Variants in CRTC1 observed in about 807,000 individuals in gnomAD.
CRTC1 encodes CREB-regulated transcription coactivator 1.
CRTC1 carries 18 observed loss-of-function variants against 66.1 expected under a neutral mutation model. The observed-to-expected ratio is 0.27, with a 90% CI of 0.19 to 0.40. The LOEUF (loss-of-function observed/expected upper bound fraction) is 0.40. CRTC1 is among the 10% of genes least tolerant of loss of function. The pLI is 1.00. For synonymous variants in CRTC1, 416 were observed against 398.8 expected, an observed-to-expected ratio of 1.04 and a Z score of -0.51; for missense variants, 669 against 887.9, an observed-to-expected ratio of 0.75 and a Z score of 3.13.
chr19:18,743,980 AG>A, intron 2 of CRTC1: 1 of 885,318 alleles, frequency 1.1e-6, no homozygotes, highest in Non-Finnish European at 1.8e-6. Context: ...AGTGGGGCTG[AG>A]GGGCACAGGA....
At chr19:18,757,281 C>T (rs998163195) in intron 6 of CRTC1, among the ~76,000 whole-genome samples, 1 of 152,104 alleles carries the variant, frequency 6.6e-6, no homozygotes, top group Non-Finnish European at 1.5e-5. Flanking sequence ...TCTCGGGGGC[C>T]CCTACCTGGA....
chr19:18,744,491 A>AACAC (rs56007866), intron 2 of CRTC1, among the ~76,000 whole-genome samples: 7 of 148,806 alleles, frequency 4.7e-5, no homozygotes, highest in Admixed American at 6.7e-5. Flanking sequence ...CACACACACA[A>AACAC]ACACACACAC....
intron 9 of CRTC1, among the ~76,000 whole-genome samples, chr19:18,765,886 A>G (rs538353231): frequency 1.4e-4 from 22 of 152,126 alleles, no homozygotes; most frequent in Middle Eastern, 3.4e-3. Context: ...ACTTGAGCCC[A>G]GGGGGTGGAG....
rs58104974 is a variant in CRTC1 at position 18,706,182 on chromosome 19, CTTTTTTTTTTTTTTTTTTTTTTTTT to C, written c.126+22371_126+22395del. ...GGGCTTTCTATTCTATTCCATTGGTCTTTTTTTTTTTTTTTTTTTTTTTTTTTTTTTTTTTTTTTTTAGACAGAGT... is the reference window on the plus strand; with the variant it reads ...GGGCTTTCTATTCTATTCCATTGGTCTTTTTTTTTTTTTTTTAGACAGAGT... On this transcript the variant is annotated intron_variant, in intron 1 of 13. Coordinates refer to ENST00000321949, the MANE Select transcript of CRTC1 (RefSeq NM_015321.3). Among the ~76,000 whole-genome samples, 21 of 18,676 alleles carry C rather than the reference CTTTTTTTTTTTTTTTTTTTTTTTTT, an allele frequency of 1.1e-3. 1 individual carries two copies. The highest frequency in any genetic ancestry group is 7.4e-3 in the South Asian group (4 of 538). 12.3% of individuals were successfully genotyped at this position (18,676 alleles called of 152,430 possible).
In CRTC1 at chr19:18,741,609, C is replaced by T. The variant is rs557566067; in HGVS notation, c.127-1301C>T. Among the ~76,000 whole-genome samples the T allele has an allele frequency of 6.6e-6, 1 of 152,278 alleles. No homozygotes were observed. Among genetic ancestry groups the T allele is most frequent in the East Asian group, 1.9e-4 (1 of 5,180 alleles). On this transcript the variant is annotated intron_variant, in intron 1 of 13. Transcript: ENST00000321949. The surrounding 1 kb of genome is among the most constrained non-coding windows in gnomAD (Gnocchi z 4.2). ...CCCCTCCCTCTGCCACAGCCCGGAG[C>T]TGGCCTGTTTCATCTGGTGTGACTG...
At chr19:18,685,171 AGATT>A (rs2052658442) in intron 1 of CRTC1, among the ~76,000 whole-genome samples, 1 of 151,972 alleles carries the variant, frequency 6.6e-6, no homozygotes, top group African/African-American at 2.4e-5. Flanking sequence ...TTTCTCTGAG[AGATT>A]GTGACCTTAT....
chr19:18,770,744 C>G (rs2054844239), intron 10 of CRTC1, among the ~76,000 whole-genome samples: 1 of 149,354 alleles, frequency 6.7e-6, no homozygotes, highest in Non-Finnish European at 1.5e-5. Context: ...GATATGTGTG[C>G]TTGTGTGGGT....
At chr19:18,687,243 C>T (rs571651029) in intron 1 of CRTC1, among the ~76,000 whole-genome samples, 2 of 152,162 alleles carry the variant, frequency 1.3e-5, no homozygotes, top group East Asian at 1.9e-4. Context: ...AGACTGGTCT[C>T]GAACTCCTGA....
Position 18,777,523 on chromosome 19 carries a change from C to T in CRTC1, c.*141C>T. On this transcript the variant is annotated 3_prime_UTR_variant, in exon 14 of 14. Coordinates refer to ENST00000321949, the MANE Select transcript of CRTC1 (RefSeq NM_015321.3). This position sits in a 1 kb window ranked among gnomAD's most constrained non-coding sequence, Gnocchi z 5.5. Reference sequence around the variant, plus strand: ...CGCCAAGCGCCCCCCGCCAGCCCGCCCCCGGTTGTCCACCTCCCGCGAAGC... The same window carrying T: ...CGCCAAGCGCCCCCCGCCAGCCCGCTCCCGGTTGTCCACCTCCCGCGAAGC... The T allele has an allele frequency of 1.3e-6, 1 of 782,808 alleles. No homozygotes were observed. The highest frequency in any genetic ancestry group is 2.1e-6 in the Non-Finnish European group (1 of 480,996). The allele number at this position is 782,808 out of a possible 1,614,324, so 48.5% of individuals were successfully genotyped here.
chr19:18,703,099 C>T (rs1418605625), intron 1 of CRTC1, among the ~76,000 whole-genome samples: 3 of 152,144 alleles, frequency 2.0e-5, no homozygotes, highest in Admixed American at 6.6e-5. Context: ...TCTCCTGCCT[C>T]AGCCTCCCGA....
chr19:18,781,729 G>A lies in CRTC1; in HGVS notation c.*4347G>A. On this transcript the variant is annotated 3_prime_UTR_variant, in exon 14 of 14. Coordinates refer to ENST00000321949, the MANE Select transcript of CRTC1 (RefSeq NM_015321.3). ...AGGGCCCCGGGCTCCTCCTGGGCAGGATGGGGGGCAGGGGCTGGGCCTTGG... is the reference window on the plus strand; with the variant it reads ...AGGGCCCCGGGCTCCTCCTGGGCAGAATGGGGGGCAGGGGCTGGGCCTTGG... 4.3e-6 allele frequency: 1 copy of A among 231,054 alleles called. No homozygotes were observed. The highest frequency in any genetic ancestry group is 5.6e-5 in the Admixed American group (1 of 17,710). 14.3% of individuals were successfully genotyped at this position (231,054 alleles called of 1,614,324 possible).
intron 4 of CRTC1, among the ~76,000 whole-genome samples, chr19:18,748,489 G>T (rs1037747326): frequency 1.4e-5 from 2 of 145,948 alleles, no homozygotes; most frequent in Non-Finnish European, 3.0e-5. Flanking sequence ...AAAGTGCTGG[G>T]ATTACAGGAC....
intron 2 of CRTC1, among the ~76,000 whole-genome samples, chr19:18,745,247 A>G (rs1040216604): frequency 1.3e-5 from 2 of 152,102 alleles, no homozygotes; most frequent in African/African-American, 4.8e-5. Flanking sequence ...GAGTGCCTGG[A>G]GGAGGCTGCG....
intron 11 of CRTC1, among the ~76,000 whole-genome samples, chr19:18,773,969 G>GA (rs1337100256): frequency 3.3e-5 from 5 of 152,302 alleles, no homozygotes; most frequent in Non-Finnish European, 2.9e-5. Flanking sequence ...AGAGGGCCAG[G>GA]GCTTTGGGTC....
intron 1 of CRTC1, among the ~76,000 whole-genome samples, chr19:18,700,646 G>C (rs2053113262): frequency 6.6e-6 from 1 of 152,206 alleles, no homozygotes; most frequent in South Asian, 2.1e-4. Context: ...GTGGGTGCAT[G>C]CCAGCTGGTC....
Position 18,774,776 on chromosome 19 carries a change from A to C in CRTC1, c.1426-124A>C, listed in dbSNP as rs1601021724. 4 of 843,318 alleles carry C rather than the reference A, an allele frequency of 4.7e-6. No homozygotes were observed. In the East Asian group the frequency reaches 1.0e-4, roughly 21 times the overall value. The allele number at this position is 843,318 out of a possible 1,614,324, so 52.2% of individuals were successfully genotyped here. A position where few individuals can be genotyped will look rare whatever the true frequency, so the allele number is the denominator to read the frequency against. ...CTTCTGGAACCCCAAAATAAGCATC[A>C]TCATCAGCCTCCTGCCGTCTGGGAG... On this transcript the variant is annotated intron_variant, in intron 11 of 13. Transcript: ENST00000321949.
intron 1 of CRTC1, among the ~76,000 whole-genome samples, chr19:18,731,912 C>T (rs1349374067): frequency 1.3e-5 from 2 of 152,232 alleles, no homozygotes; most frequent in Non-Finnish European, 2.9e-5. Context: ...CCCCTCTCCT[C>T]ACCCACCCTG....
intron 11 of CRTC1, among the ~76,000 whole-genome samples, chr19:18,773,539 G>A (rs928430095): frequency 2.6e-5 from 4 of 152,102 alleles, no homozygotes; most frequent in Non-Finnish European, 4.4e-5. Context: ...CACACCCCGA[G>A]CCCCAGGACA....
At chr19:18,693,715 C>T (rs540670515) in intron 1 of CRTC1, among the ~76,000 whole-genome samples, 17 of 151,714 alleles carry the variant, frequency 1.1e-4, no homozygotes, top group Admixed American at 3.9e-4. Context: ...GATCTGATCT[C>T]GTGATCCACC....
Sources: allele counts gnomAD v4.1 joint callset (sites outside exome capture counted in the v4.1 genomes callset), GRCh38; gene constraint gnomAD v4.1.1; non-coding constraint Gnocchi (gnomAD v3.1); transcripts MANE v1.5; gene names NCBI Gene and HGNC (gene_info 2026-07-23, HGNC 2026-07-21).